The following GNAQ variants were observed in gnomAD, a reference collection of about 807,000 sequenced individuals.
GNAQ encodes G protein subunit alpha q, also known as guanine nucleotide-binding protein G(q) subunit alpha.
GNAQ carries 8 observed loss-of-function variants against 43.9 expected under a neutral mutation model. The observed-to-expected ratio is 0.18, with a 90% CI of 0.11 to 0.33. GNAQ has a LOEUF of 0.33. Among genes scored for constraint, GNAQ ranks in the 10% least tolerant of loss-of-function variants. The pLI, the probability that GNAQ is intolerant of heterozygous loss-of-function variation, is 1.00. For missense variants in GNAQ, 158 were observed against 450.8 expected (o/e 0.35, Z 5.88); for synonymous variants, 155 against 170.7 (o/e 0.91, Z 0.71).
intron 5 of GNAQ, among the ~76,000 whole-genome samples, chr9:77,755,821 C>G (rs1825894133): frequency 6.6e-6 from 1 of 152,074 alleles, no homozygotes; most frequent in Non-Finnish European, 1.5e-5. Context: ...TGTATGGGTT[C>G]AAGTTGACAA....
Position 77,895,433 on chromosome 9 carries a change from C to T in GNAQ, c.321+26728G>A, listed in dbSNP as rs370333649. On this transcript the variant is annotated intron_variant, in intron 2 of 6. Coordinates refer to ENST00000286548, the MANE Select transcript of GNAQ (RefSeq NM_002072.5). ...AGTCTTGGTGAGGGGAATCTGACTG[C>T]AGTGTTAGGCACTGTACTATCCTGC... Among the ~76,000 whole-genome samples the T allele has an allele frequency of 7.9e-5, 12 of 152,222 alleles. 1 individual carries two copies. The highest frequency in any genetic ancestry group is 2.9e-4 in the African/African-American group (12 of 41,550).
At position 77,883,642 on chromosome 9, in the gene GNAQ, CG is replaced by C. The variant is rs373201994; in HGVS notation, c.321+38518del. On this transcript the variant is annotated intron_variant, in intron 2 of 6. Transcript: ENST00000286548. ...TAGGTAATTTTTCAACCCTTGCCCCCGCCCCCACTCTCCTCGCTTTTGGCAT... is the reference window on the plus strand; with the variant it reads ...TAGGTAATTTTTCAACCCTTGCCCCCCCCCCACTCTCCTCGCTTTTGGCAT... Among the ~76,000 whole-genome samples, 257 of 151,420 alleles carry C rather than the reference CG, an allele frequency of 1.7e-3. 1 individual carries two copies. The highest frequency in any genetic ancestry group is 5.6e-3 in the African/African-American group (231 of 41,220).
intron 1 of GNAQ, among the ~76,000 whole-genome samples, chr9:77,960,984 T>C (rs1368786278): frequency 5.3e-5 from 8 of 152,332 alleles, no homozygotes; most frequent in African/African-American, 1.9e-4. Context: ...ATTTCATTAT[T>C]TGAAACACAT....
Position 78,031,335 on chromosome 9 carries a change from C to G in GNAQ, c.-100G>C. ...GCTCCCCCGAGGCAGCGGTGGCCGCCGAGCCCCCGCCGCCCGGGCGCGCGT... is the reference window on the plus strand; with the variant it reads ...GCTCCCCCGAGGCAGCGGTGGCCGCGGAGCCCCCGCCGCCCGGGCGCGCGT... On this transcript the variant is annotated 5_prime_UTR_variant, in exon 1 of 7. Coordinates refer to ENST00000286548, the MANE Select transcript of GNAQ (RefSeq NM_002072.5). 1 of 963,018 alleles carries G rather than the reference C, an allele frequency of 1.0e-6. No homozygotes were observed. The allele number at this position is 963,018 out of a possible 1,614,324, so 59.7% of individuals were successfully genotyped here. A position where few individuals can be genotyped will look rare whatever the true frequency, so the allele number is the denominator to read the frequency against.
intron 1 of GNAQ, among the ~76,000 whole-genome samples, chr9:77,968,561 T>C (rs1160673096): frequency 6.6e-6 from 1 of 152,224 alleles, no homozygotes; most frequent in East Asian, 1.9e-4. Flanking sequence ...ATTAGGCTAT[T>C]AGACAAGGCA....
chr9:78,001,483 G>C (rs1014255217), intron 1 of GNAQ, among the ~76,000 whole-genome samples: 1 of 151,822 alleles, frequency 6.6e-6, no homozygotes, highest in Non-Finnish European at 1.5e-5. Flanking sequence ...TGGATCATTA[G>C]AATGCATTTA....
At chr9:77,795,099 G>T (rs144681087) in intron 4 of GNAQ, among the ~76,000 whole-genome samples, 1 of 152,124 alleles carries the variant, frequency 6.6e-6, no homozygotes, top group Non-Finnish European at 1.5e-5. Flanking sequence ...ATGCAGATAC[G>T]ACCCCACTCA....
intron 2 of GNAQ, among the ~76,000 whole-genome samples, chr9:77,890,136 A>C (rs936754030): frequency 2.0e-5 from 3 of 152,162 alleles, no homozygotes; most frequent in African/African-American, 7.2e-5. Context: ...ACTTTATCTT[A>C]GTTATAATGT....
chr9:77,901,943 T>C (rs1392294145), intron 2 of GNAQ, among the ~76,000 whole-genome samples: 2 of 152,150 alleles, frequency 1.3e-5, no homozygotes, highest in Admixed American at 6.6e-5. Flanking sequence ...GCCTATTTTA[T>C]AGGAGGACTA....
intron 2 of GNAQ, among the ~76,000 whole-genome samples, chr9:77,844,325 C>G (rs1481903825): frequency 6.6e-6 from 1 of 152,220 alleles, no homozygotes; most frequent in Non-Finnish European, 1.5e-5. Flanking sequence ...CTGTTCTCTT[C>G]CTCAACAACC....
intron 5 of GNAQ, among the ~76,000 whole-genome samples, chr9:77,756,069 G>A (rs561101577): frequency 1.3e-5 from 2 of 152,262 alleles, no homozygotes; most frequent in East Asian, 1.9e-4. Flanking sequence ...CTTAGCCTCC[G>A]AGCCTACATC....
At position 77,780,167 on chromosome 9, in the gene GNAQ, A is replaced by G. The variant is rs369629056; in HGVS notation, c.735+14296T>C. 4.5e-4 allele frequency among the ~76,000 whole-genome samples: 69 copies of G among 152,028 alleles called. 1 individual carries two copies. Among genetic ancestry groups the G allele is most frequent in the African/African-American group, 1.6e-3 (66 of 41,538 alleles). ...CCTCCTTCTAGGTATTTCAAAATAT[A>G]TAACATTTTATTGTGAACTACATTA... On this transcript the variant is annotated intron_variant, in intron 5 of 6. Transcript: ENST00000286548.
At chr9:77,972,983 G>A (rs1823255969) in intron 1 of GNAQ, among the ~76,000 whole-genome samples, 1 of 132,486 alleles carries the variant, frequency 7.5e-6, no homozygotes. Flanking sequence ...CTTTACTTAA[G>A]TAAAAAGGAG....
intron 1 of GNAQ, among the ~76,000 whole-genome samples, chr9:77,980,371 G>C (rs1823354095): frequency 6.6e-6 from 1 of 152,040 alleles, no homozygotes; most frequent in African/African-American, 2.4e-5. Context: ...TACTTACTCA[G>C]GTCCTAAGAA....
chr9:77,731,360 T>C (rs576976345), intron 5 of GNAQ, among the ~76,000 whole-genome samples: 1 of 152,210 alleles, frequency 6.6e-6, no homozygotes, highest in Admixed American at 6.5e-5. Context: ...TTGCCCAGGG[T>C]GCTGCCCATC....
At position 77,718,683 on chromosome 9, in the gene GNAQ, GT is replaced by G. The variant is rs1240907895; in HGVS notation, c.*2639del. On this transcript the variant is annotated 3_prime_UTR_variant, in exon 7 of 7. Coordinates refer to ENST00000286548, the MANE Select transcript of GNAQ (RefSeq NM_002072.5). ...GTAACACTTATGATCTTGTGATGAG[GT>G]TTTCTCTATACACACTGTAGGCCTT... The G allele has an allele frequency of 4.7e-6, 1 of 213,040 alleles. No homozygotes were observed. Among genetic ancestry groups the G allele is most frequent in the African/African-American group, 2.4e-5 (1 of 42,490 alleles). 13.2% of individuals were successfully genotyped at this position (213,040 alleles called of 1,614,324 possible).
chr9:77,935,301 C>G (rs1364678917), intron 1 of GNAQ, among the ~76,000 whole-genome samples: 1 of 152,062 alleles, frequency 6.6e-6, no homozygotes, highest in Non-Finnish European at 1.5e-5. Flanking sequence ...ATAGTACCTG[C>G]TGGGGGGTCT....
At chr9:77,896,605 C>T (rs940872079) in intron 2 of GNAQ, among the ~76,000 whole-genome samples, 3 of 152,172 alleles carry the variant, frequency 2.0e-5, no homozygotes, top group African/African-American at 7.2e-5. Flanking sequence ...CACATTTCAC[C>T]AGTTACCTAA....
chr9:77,977,185 G>A (rs531857942), intron 1 of GNAQ, among the ~76,000 whole-genome samples: 1 of 152,104 alleles, frequency 6.6e-6, no homozygotes, highest in Admixed American at 6.6e-5. Flanking sequence ...TCCTAAGGCA[G>A]AGCGCTTCCT....
Sources: gnomAD v4.1 joint callset for allele counts (sites outside exome capture counted in the v4.1 genomes callset) on GRCh38, gnomAD v4.1.1 for gene constraint, MANE v1.5 for transcripts, NCBI Gene and HGNC (gene_info 2026-07-23, HGNC 2026-07-21) for gene names.